Variants in RGS5 observed in about 807,000 individuals in gnomAD.
The protein encoded by RGS5 is regulator of G protein signaling 5.
Under a neutral mutation model 18.9 loss-of-function variants are expected in RGS5, and 20 were observed. The ratio of observed to expected loss-of-function variants is 1.06; its 90% CI spans 0.74 to 1.54. The LOEUF is 1.54. Ranked by LOEUF, RGS5 falls within the 40% of genes most tolerant of loss-of-function variation. The probability of loss-of-function intolerance (pLI) is 0.00; values close to 1 mark genes in which losing one functional copy is unlikely to be tolerated. For missense variants in RGS5, 201 were observed against 211.8 expected (o/e 0.95, Z 0.32); for synonymous variants, 57 against 76.2 (o/e 0.75, Z 1.31).
intron 1 of RGS5, among the ~76,000 whole-genome samples, chr1:163,313,866 G>A (rs1425598410): frequency 6.6e-6 from 1 of 152,172 alleles, no homozygotes; most frequent in Non-Finnish European, 1.5e-5. Context: ...TTGAGATTAG[G>A]AAGCACAGTA....
rs188296429 is a variant in RGS5, at chr1:163,224,734, T to C, written c.-280-56366A>G. 3.0e-3 allele frequency among the ~76,000 whole-genome samples: 457 copies of C among 152,370 alleles called. 4 individuals are homozygous for C. Among genetic ancestry groups the C allele is most frequent in the African/African-American group, 0.01 (436 of 41,594 alleles). On this transcript the variant is annotated intron_variant, in intron 2 of 5. Coordinates refer to the RGS5 transcript ENST00000618415. Reference sequence around the variant, plus strand: ...TTTTTATTTTTGACAACAGCCATTCTAACTGAAGTGAGGCGTTATCTCATT... The same window carrying C: ...TTTTTATTTTTGACAACAGCCATTCCAACTGAAGTGAGGCGTTATCTCATT...
At chr1:163,305,693 T>A (rs1279356723) in intron 2 of RGS5, among the ~76,000 whole-genome samples, 1 of 152,216 alleles carries the variant, frequency 6.6e-6, no homozygotes, top group African/African-American at 2.4e-5. Context: ...TGTACTCCAA[T>A]GGGAGCTCTA....
At chr1:163,171,838 C>G (rs187951560) in intron 1 of RGS5, among the ~76,000 whole-genome samples, 10 of 152,296 alleles carry the variant, frequency 6.6e-5, no homozygotes, top group Admixed American at 5.9e-4. Flanking sequence ...TTTCAAGGTG[C>G]TTTTAGCCCG....
At chr1:163,180,841 C>A (rs1194900353) in intron 1 of RGS5, among the ~76,000 whole-genome samples, 3 of 151,758 alleles carry the variant, frequency 2.0e-5, no homozygotes, top group African/African-American at 7.3e-5. Context: ...ACTACAGGTG[C>A]CCGTCACTAC....
intron 2 of RGS5, among the ~76,000 whole-genome samples, chr1:163,272,503 GTCC>G (rs1414795523): frequency 1.3e-5 from 2 of 152,008 alleles, no homozygotes; most frequent in African/African-American, 2.4e-5. Context: ...TCACAAAGAT[GTCC>G]TCCTATGATT....
At chr1:163,157,553 GAT>G (rs1350207960) in intron 3 of RGS5, among the ~76,000 whole-genome samples, 2 of 152,130 alleles carry the variant, frequency 1.3e-5, no homozygotes, top group African/African-American at 4.8e-5. Flanking sequence ...AAAAATTAAA[GAT>G]ATGAATGTAA....
chr1:163,301,303 GA>G (rs1027489293), intron 2 of RGS5, among the ~76,000 whole-genome samples: 1 of 150,448 alleles, frequency 6.6e-6, no homozygotes, highest in African/African-American at 2.4e-5. Flanking sequence ...AATTCTAGAG[GA>G]AAAAAATCAG....
At chr1:163,297,309 T>C (rs1220196563) in intron 2 of RGS5, among the ~76,000 whole-genome samples, 2 of 152,182 alleles carry the variant, frequency 1.3e-5, no homozygotes, top group Non-Finnish European at 2.9e-5. Context: ...AGGTTTCAGT[T>C]AGCTAACTTG....
intron 2 of RGS5, chr1:163,260,141 T>A (rs1488493816): frequency 6.6e-6 from 1 of 152,228 alleles, no homozygotes. Flanking sequence ...TTTCTCATGA[T>A]GCCATAACAC....
At chr1:163,271,962 TCTTA>T (rs1648729900) in intron 2 of RGS5, among the ~76,000 whole-genome samples, 1 of 152,100 alleles carries the variant, frequency 6.6e-6, no homozygotes, top group Non-Finnish European at 1.5e-5. Flanking sequence ...CTTTGTATTG[TCTTA>T]TTTATTTTTT....
chr1:163,200,768 G>A (rs976482957), intron 1 of RGS5, among the ~76,000 whole-genome samples: 13 of 152,062 alleles, frequency 8.5e-5, no homozygotes, highest in African/African-American at 3.1e-4. Flanking sequence ...GTCAACCTAT[G>A]GGGAAAATAA....
intron 2 of RGS5, among the ~76,000 whole-genome samples, chr1:163,299,546 C>A (rs1288027494): frequency 6.6e-6 from 1 of 152,100 alleles, no homozygotes; most frequent in African/African-American, 2.4e-5. Flanking sequence ...ATAATAATGT[C>A]AACACAGGGT....
chr1:163,320,052 C>A (rs1306530254), intron 1 of RGS5, among the ~76,000 whole-genome samples: 1 of 152,066 alleles, frequency 6.6e-6, no homozygotes, highest in African/African-American at 2.4e-5. Context: ...GTAATATTAA[C>A]CCCCAAATAA....
chr1:163,284,602 C>A (rs780847831), intron 2 of RGS5, among the ~76,000 whole-genome samples: 1 of 152,100 alleles, frequency 6.6e-6, no homozygotes, highest in Non-Finnish European at 1.5e-5. Flanking sequence ...ATGAATAGAG[C>A]TTTAGAGAAT....
chr1:163,300,201 G>A (rs1365106282), intron 2 of RGS5, among the ~76,000 whole-genome samples: 2 of 152,190 alleles, frequency 1.3e-5, no homozygotes, highest in Non-Finnish European at 2.9e-5. Flanking sequence ...TCTAAGGCTT[G>A]GAGAAAAGAT....
intron 3 of RGS5, among the ~76,000 whole-genome samples, chr1:163,154,968 T>C (rs1042985133): frequency 5.9e-5 from 9 of 151,806 alleles, no homozygotes; most frequent in Admixed American, 1.3e-4. Context: ...TGTATATATG[T>C]ATATGTATAT....
intron 2 of RGS5, among the ~76,000 whole-genome samples, chr1:163,279,867 G>C (rs1648948014): frequency 2.0e-5 from 3 of 151,740 alleles, no homozygotes; most frequent in Admixed American, 2.0e-4. Context: ...TCATTAGAGA[G>C]TATTATGAAA....
chr1:163,153,747 T>C (rs1657471349), intron 3 of RGS5, among the ~76,000 whole-genome samples: 1 of 151,710 alleles, frequency 6.6e-6, no homozygotes, highest in Non-Finnish European at 1.5e-5. Flanking sequence ...ACTATGTATA[T>C]GTAAGGATTC....
intron 3 of RGS5, among the ~76,000 whole-genome samples, chr1:163,155,321 A>C (rs1260264710): frequency 3.3e-5 from 5 of 152,220 alleles, no homozygotes; most frequent in Admixed American, 1.3e-4. Context: ...CTGACTTTCC[A>C]GGGAATAAGC....
Sources: gnomAD v4.1 joint callset for allele counts (sites outside exome capture counted in the v4.1 genomes callset) on GRCh38, gnomAD v4.1.1 for gene constraint, MANE v1.5 for transcripts, NCBI Gene and HGNC (gene_info 2026-07-23, HGNC 2026-07-21) for gene names.